NFATC2: variants seen among roughly 807,000 people sequenced by gnomAD.
NFATC2 encodes nuclear factor of activated T-cells, cytoplasmic 2.
Under a neutral mutation model 87.3 loss-of-function variants are expected in NFATC2, and 22 were observed. The observed-to-expected ratio is 0.25, with a 90% confidence interval of 0.18 to 0.36. The LOEUF is 0.36. Among genes scored for constraint, NFATC2 ranks in the 10% least tolerant of loss-of-function variants. NFATC2 has a pLI of 1.00. For synonymous variants in NFATC2, 565 were observed against 542.2 expected (o/e 1.04, Z -0.58); for missense variants, 1,149 against 1,259.1 (o/e 0.91, Z 1.32).
At chr20:51,483,572 C>T (rs982843046) in intron 3 of NFATC2, among the ~76,000 whole-genome samples, 3 of 151,480 alleles carry the variant, frequency 2.0e-5, no homozygotes, top group African/African-American at 7.3e-5. Flanking sequence ...AGTTGCAGCA[C>T]GTACCTGCCA....
At chr20:51,427,920 C>T (rs1427151653) in intron 9 of NFATC2, among the ~76,000 whole-genome samples, 6 of 152,216 alleles carry the variant, frequency 3.9e-5, no homozygotes, top group African/African-American at 9.6e-5. Context: ...ATGTCTGTCT[C>T]GCTTACCTAC....
intron 1 of NFATC2, among the ~76,000 whole-genome samples, chr20:51,528,475 TACAGATGTACACGCACAG>T (rs1470394470): frequency 6.6e-6 from 1 of 152,080 alleles, no homozygotes; most frequent in Non-Finnish European, 1.5e-5. Flanking sequence ...TACACAGATG[TACAGATGTACACGCACAG>T]ACAGATGTAC....
At chr20:51,539,163 C>T (rs993013291) in intron 1 of NFATC2, among the ~76,000 whole-genome samples, 2 of 152,266 alleles carry the variant, frequency 1.3e-5, no homozygotes, top group Middle Eastern at 6.8e-3. Flanking sequence ...AATGAGCATC[C>T]GACCTCCCCA....
intron 3 of NFATC2, among the ~76,000 whole-genome samples, chr20:51,504,282 A>G (rs940743613): frequency 2.6e-5 from 4 of 152,144 alleles, no homozygotes; most frequent in African/African-American, 7.2e-5. Flanking sequence ...TCAGCCTCCC[A>G]AAGTGCTGGG....
intron 3 of NFATC2, among the ~76,000 whole-genome samples, chr20:51,476,298 TTA>T (rs1204291656): frequency 6.9e-6 from 1 of 144,310 alleles, no homozygotes; most frequent in Non-Finnish European, 1.5e-5. Flanking sequence ...CTGTCACTTC[TTA>T]TATGACTATA....
At chr20:51,525,188 C>G (rs1467157120) in intron 1 of NFATC2, among the ~76,000 whole-genome samples, 2 of 152,144 alleles carry the variant, frequency 1.3e-5, no homozygotes, top group African/African-American at 4.8e-5. Context: ...CCACTGCATG[C>G]CGGCCTGGGT....
intron 10 of NFATC2, among the ~76,000 whole-genome samples, chr20:51,395,201 C>T (rs1271289776): frequency 6.6e-6 from 1 of 152,304 alleles, no homozygotes; most frequent in East Asian, 1.9e-4. Context: ...TCACACTGCT[C>T]CTAGGTAACG....
chr20:51,421,754 A>C (rs1980956530), intron 9 of NFATC2, among the ~76,000 whole-genome samples: 1 of 152,118 alleles, frequency 6.6e-6, no homozygotes, highest in Non-Finnish European at 1.5e-5. Flanking sequence ...ACTGGCATCT[A>C]ATCAAAATAT....
At chr20:51,411,443 C>T (rs2426308) in intron 9 of NFATC2, among the ~76,000 whole-genome samples, 128,800 of 151,314 alleles carry the variant, frequency 0.85, 54,961 homozygotes, top group African/African-American at 0.92. Flanking sequence ...CACACCCATA[C>T]ACACACACAC....
chr20:51,427,934 A>C (rs1345441121), intron 9 of NFATC2, among the ~76,000 whole-genome samples: 2 of 152,184 alleles, frequency 1.3e-5, no homozygotes, highest in Non-Finnish European at 2.9e-5. Context: ...TACCTACTAA[A>C]CAATCACCGT....
intron 9 of NFATC2, among the ~76,000 whole-genome samples, chr20:51,419,130 A>T (rs1026095647): frequency 6.6e-6 from 1 of 152,196 alleles, no homozygotes; most frequent in Non-Finnish European, 1.5e-5. Flanking sequence ...TATTTGTGGA[A>T]TAAAGAAACT....
chr20:51,472,727 C>T (rs1988344792), intron 5 of NFATC2, among the ~76,000 whole-genome samples: 1 of 150,584 alleles, frequency 6.6e-6, no homozygotes, highest in South Asian at 2.1e-4. Context: ...CCTCCACCTC[C>T]CGGATTCAAG....
Position 51,391,465 on chromosome 20 carries a change from G to A in NFATC2, c.*45-14C>T, listed in dbSNP as rs752832699. On this transcript the variant is annotated splice_polypyrimidine_tract_variant and intron_variant, in intron 10 of 10. Transcript: ENST00000371564. Reference sequence around the variant, plus strand: ...TAATTTCATTAACTACAAAAGAAAAGAGGAGGGGGGGGGAGAGAGAATGGG... The same window carrying A: ...TAATTTCATTAACTACAAAAGAAAAAAGGAGGGGGGGGGAGAGAGAATGGG... 6.6e-6 allele frequency: 8 copies of A among 1,219,006 alleles called. No individual in the cohort carries two copies. Among genetic ancestry groups the A allele is most frequent in the Admixed American group, 1.9e-5 (1 of 52,042 alleles). The allele number at this position is 1,219,006 out of a possible 1,614,324, so 75.5% of individuals were successfully genotyped here.
intron 9 of NFATC2, among the ~76,000 whole-genome samples, chr20:51,403,665 A>C (rs2426300): frequency 0.8 from 121,004 of 152,022 alleles, 48,271 homozygotes; most frequent in Admixed American, 0.82. Context: ...CCTAAGAAGA[A>C]GGGCCACCAG....
intron 3 of NFATC2, among the ~76,000 whole-genome samples, chr20:51,484,118 A>T (rs1227042599): frequency 1.5e-5 from 2 of 134,212 alleles, no homozygotes; most frequent in Admixed American, 1.5e-4. Flanking sequence ...GCTGCCCCCC[A>T]TGACAGCCAC....
At position 51,523,634 on chromosome 20, in the gene NFATC2, G is replaced by C; in HGVS notation, c.607C>G (p.Pro203Ala). 6.2e-7 allele frequency: 1 copy of C among 1,613,890 alleles called. No individual in the cohort carries two copies. Among genetic ancestry groups the C allele is most frequent in the South Asian group, 1.1e-5 (1 of 91,088 alleles). ...PNNGGPDDLC[P>A]QFQNIPAHYS... The stretch of plus-strand genomic sequence containing the variant: ...TGAGCAGGGATGTTTTGAAACTGCG[G>C]ACACAGGTCGTCGGGCCCGCCGTTA... The change falls in exon 2 of 11, where the codon CCG becomes GCG. Residue 203 changes from proline to alanine, a missense_variant. By Grantham distance (27) the Pro-to-Ala change is conservative. Around this residue, in one of 3 missense-constraint regions of NFATC2, gnomAD observed 563 missense variants for 585.2 expected, o/e 0.96. Transcript: ENST00000371564. The surrounding 1 kb of genome is among the most constrained non-coding windows in gnomAD (Gnocchi z 6.9).
intron 9 of NFATC2, among the ~76,000 whole-genome samples, chr20:51,404,870 G>T (rs952132776): frequency 5.9e-5 from 9 of 152,314 alleles, no homozygotes; most frequent in African/African-American, 2.2e-4. Context: ...AGAGGCCTCC[G>T]GAAACCAGCC....
chr20:51,477,486 T>G (rs6091329), intron 3 of NFATC2, among the ~76,000 whole-genome samples: 11,181 of 135,642 alleles, frequency 0.082, 482 homozygotes, highest in Middle Eastern at 0.13. Context: ...TGTGAAATAT[T>G]TAAAATATAT....
intron 3 of NFATC2, among the ~76,000 whole-genome samples, chr20:51,492,903 C>T (rs2075920525): frequency 6.6e-6 from 1 of 152,272 alleles, no homozygotes; most frequent in African/African-American, 2.4e-5. Context: ...GTTCCTCGGT[C>T]AGCGACGTAT....
Sources: gnomAD v4.1 joint callset for allele counts (sites outside exome capture counted in the v4.1 genomes callset) on GRCh38, gnomAD v4.1.1 for gene constraint, gnomAD v4.1.1 regional missense constraint, Gnocchi (gnomAD v3.1) non-coding constraint, MANE v1.5 for transcripts, NCBI Gene and HGNC (gene_info 2026-07-23, HGNC 2026-07-21) for gene names.